Variants in PRR5 observed in about 807,000 individuals in gnomAD.
PRR5 encodes the protein proline rich 5.
Under a neutral mutation model 30.6 loss-of-function variants are expected in PRR5, and 25 were observed. That is an observed-to-expected ratio of 0.82 (90% confidence interval 0.60 to 1.14). The LOEUF (loss-of-function observed/expected upper bound fraction) is 1.14, where lower values mean the gene tolerates loss of function less well. Ranked by LOEUF, PRR5 falls within the 50% of genes most tolerant of loss-of-function variation. The pLI is 0.00. For missense variants in PRR5, 600 were observed against 547.1 expected, an observed-to-expected ratio of 1.10 and a Z score of -0.96; for synonymous variants, 286 against 247.1, an observed-to-expected ratio of 1.16 and a Z score of -1.48.
chr22:44,705,366 C>T (rs1028632599), intron 1 of PRR5, among the ~76,000 whole-genome samples: 15 of 152,124 alleles, frequency 9.9e-5, no homozygotes, highest in Admixed American at 3.3e-4. Flanking sequence ...CACTCTTGTC[C>T]AGGCTGGAGT....
chr22:44,687,495 AACTGCAC>A (rs1212508383), intron 1 of PRR5, among the ~76,000 whole-genome samples: 3 of 152,144 alleles, frequency 2.0e-5, no homozygotes, highest in Non-Finnish European at 2.9e-5. Context: ...CCCTCAGGAG[AACTGCAC>A]ACTTTTTCCT....
At chr22:44,681,290 TAA>T (rs201946438) in intron 1 of PRR5, among the ~76,000 whole-genome samples, 1 of 151,196 alleles carries the variant, frequency 6.6e-6, no homozygotes, top group Non-Finnish European at 1.5e-5. Flanking sequence ...AAATGTTAGT[TAA>T]AAAAAAAGTT....
At chr22:44,693,721 A>G (rs1601971028) in intron 1 of PRR5, among the ~76,000 whole-genome samples, 1 of 137,912 alleles carries the variant, frequency 7.3e-6, no homozygotes, top group Non-Finnish European at 1.5e-5. Flanking sequence ...TCTGTCTCTC[A>G]GGTTCACGCC....
chr22:44,691,642 T>C lies in PRR5; in HGVS notation c.-10-10850T>C, dbSNP rs1213135030. Among the ~76,000 whole-genome samples the C allele has an allele frequency of 1.3e-5, 2 of 152,116 alleles. No individual in the cohort carries two copies. The highest frequency in any genetic ancestry group is 2.4e-5 in the African/African-American group (1 of 41,434). ...CACAAAAACTAGCCAGGCGTGGTGG[T>C]GCACGCCTGTAATCGCAGCTACTCA... is the stretch of plus-strand genomic sequence containing the variant. On this transcript the variant is annotated intron_variant, in intron 1 of 8. Coordinates refer to the PRR5 transcript ENST00000006251. This position sits in a 1 kb window ranked among gnomAD's most constrained non-coding sequence, Gnocchi z 4.4.
intron 4 of PRR5, chr22:44,730,336 C>T (rs976849670): frequency 9.1e-6 from 9 of 985,182 alleles, no homozygotes; most frequent in East Asian, 1.1e-4. Context: ...GCCAGTTGTT[C>T]GTCTGGCTTC....
chr22:44,731,610 G>A, intron 4 of PRR5, 120 bp from the exon 5 acceptor site: 2 of 940,396 alleles, frequency 2.1e-6, no homozygotes, highest in South Asian at 1.4e-5. Flanking sequence ...TTGGGCAGGT[G>A]CTGCCAGGGG....
chr22:44,735,603 G>T (rs1002608638), intron 7 of PRR5, among the ~76,000 whole-genome samples: 14 of 152,318 alleles, frequency 9.2e-5, no homozygotes, highest in Admixed American at 7.2e-4. Context: ...AGCACAGCTG[G>T]CCACGTTGCT....
chr22:44,721,842 C>T (rs1253184767), intron 2 of PRR5, among the ~76,000 whole-genome samples: 3 of 152,224 alleles, frequency 2.0e-5, no homozygotes, highest in Admixed American at 6.5e-5. Context: ...GCTGAGCAGA[C>T]GCCCTCGGGT....
At chr22:44,702,178 C>CCGGG (rs1926397636), upstream of PRR5, 4 of 924,708 alleles carry the variant, frequency 4.3e-6, no homozygotes, top group Admixed American at 5.6e-5. Flanking sequence ...AGACCCGCCC[C>CCGGG]TGGGCCCGCC....
intron 4 of PRR5, among the ~76,000 whole-genome samples, chr22:44,727,999 A>G (rs1328371295): frequency 6.6e-6 from 1 of 152,230 alleles, no homozygotes; most frequent in Non-Finnish European, 1.5e-5. Flanking sequence ...GATGCGGCAC[A>G]TTCTGGCGGT....
At chr22:44,703,052 C>T (rs905861102) in intron 1 of PRR5, among the ~76,000 whole-genome samples, 2 of 152,216 alleles carry the variant, frequency 1.3e-5, no homozygotes, top group Non-Finnish European at 2.9e-5. Context: ...TCTCTTTAAG[C>T]TCCCTTCGGC....
At chr22:44,705,996 C>G (rs1289558186) in intron 1 of PRR5, among the ~76,000 whole-genome samples, 1 of 151,972 alleles carries the variant, frequency 6.6e-6, no homozygotes, top group Non-Finnish European at 1.5e-5. Flanking sequence ...GACAGGGTTT[C>G]ACCGTGTTGG....
intron 1 of PRR5, among the ~76,000 whole-genome samples, chr22:44,712,907 C>T (rs1928475022): frequency 6.6e-6 from 1 of 152,156 alleles, no homozygotes; most frequent in Non-Finnish European, 1.5e-5. Flanking sequence ...GGAGAGTCTG[C>T]ACTGGGAAGG....
chr22:44,732,997 C>T (rs561223960), intron 6 of PRR5, among the ~76,000 whole-genome samples: 30 of 136,582 alleles, frequency 2.2e-4, no homozygotes, highest in Admixed American at 5.3e-4. Context: ...CATGTGCGCG[C>T]ACACATACTA....
intron 1 of PRR5, among the ~76,000 whole-genome samples, chr22:44,695,079 G>A (rs1385437545): frequency 6.6e-6 from 1 of 152,168 alleles, no homozygotes; most frequent in Non-Finnish European, 1.5e-5. Flanking sequence ...ACTGAGGCAA[G>A]AGAATCGCTT....
At chr22:44,718,192 C>CTCTTTTTT (rs1555901074) in intron 2 of PRR5, among the ~76,000 whole-genome samples, 8 of 94,580 alleles carry the variant, frequency 8.5e-5, no homozygotes, top group African/African-American at 3.0e-4. Context: ...TTTCATCTCT[C>CTCTTTTTT]TTTTTTTTTT....
intron 2 of PRR5, among the ~76,000 whole-genome samples, chr22:44,715,110 C>T (rs570311935): frequency 2.6e-5 from 4 of 152,336 alleles, no homozygotes; most frequent in South Asian, 2.1e-4. Flanking sequence ...AAACACCCCT[C>T]GTTTCCTGTG....
In PRR5 at chr22:44,737,154, G is replaced by T. The variant is rs146928678; in HGVS notation, c.1074G>T (p.Ser358=). 3.7e-6 allele frequency: 6 copies of T among 1,612,700 alleles called. No homozygotes were observed. Among genetic ancestry groups the T allele is most frequent in the East Asian group, 2.2e-5 (1 of 44,868 alleles). The change falls in exon 8 of 8, where the codon TCG becomes TCT. Residue 358 remains serine (S), a synonymous_variant. Transcript: ENST00000336985. ...ACCAGATCCTGGAGTCCGTGGACTC[G>T]GATTCTGAAGGGATTTTCATTGACT... ...LVDQILESVD[S]DSEGIFIDFG...
chr22:44,729,947 C>T (rs968687827), intron 4 of PRR5: 26 of 985,326 alleles, frequency 2.6e-5, no homozygotes, highest in Middle Eastern at 5.2e-4. Context: ...GGGCACAGTT[C>T]GGCGGGGCGG....
Sources: allele counts gnomAD v4.1 joint callset (sites outside exome capture counted in the v4.1 genomes callset), GRCh38; gene constraint gnomAD v4.1.1; non-coding constraint Gnocchi (gnomAD v3.1); transcripts MANE v1.5; gene names NCBI Gene and HGNC (gene_info 2026-07-23, HGNC 2026-07-21).